The following NOX4 variants were observed in gnomAD, a reference collection of about 807,000 sequenced individuals.
NOX4 encodes the protein NADPH oxidase 4.
NOX4 carries 69 observed loss-of-function variants against 87.6 expected under a neutral mutation model. The ratio of observed to expected loss-of-function variants is 0.79; its 90% confidence interval spans 0.65 to 0.96. NOX4 has a LOEUF of 0.96. NOX4 is among the 40% of genes least tolerant of loss of function. NOX4 has a pLI of 0.00. For missense variants in NOX4, 680 were observed against 681.5 expected (o/e 1.00, Z 0.02); for synonymous variants, 275 against 238.2 (o/e 1.15, Z -1.42).
chr11:89,560,662 C>T, the NOX4 span, among the ~76,000 whole-genome samples: 10 of 151,932 alleles, frequency 6.6e-5, no homozygotes, highest in East Asian at 9.8e-4. Context: ...GAACAAAAAG[C>T]GAGAAGAAAG....
At chr11:89,553,388 C>A in the NOX4 span, among the ~76,000 whole-genome samples, 1 of 152,102 alleles carries the variant, frequency 6.6e-6, no homozygotes, top group East Asian at 1.9e-4. Flanking sequence ...TCTTGCTTCC[C>A]CTTCTGCTAT....
At chr11:89,525,509 T>A in the NOX4 span, among the ~76,000 whole-genome samples, 1 of 152,222 alleles carries the variant, frequency 6.6e-6, no homozygotes, top group East Asian at 1.9e-4. Context: ...TCATTGGCCA[T>A]TGGTTTATTT....
intron 2 of NOX4, among the ~76,000 whole-genome samples, chr11:89,462,260 T>A (rs764467508): frequency 6.6e-6 from 1 of 152,120 alleles, no homozygotes; most frequent in South Asian, 2.1e-4. Flanking sequence ...ATGTTTCATG[T>A]AGGGAGATTT....
At chr11:89,467,340 A>G (rs113824428) in intron 2 of NOX4, among the ~76,000 whole-genome samples, 7,158 of 134,256 alleles carry the variant, frequency 0.053, 593 homozygotes, top group African/African-American at 0.2. Flanking sequence ...GACAGAGCCA[A>G]ACTCGTCACA....
chr11:89,490,907 AG>A (rs1232683244), intron 1 of NOX4: 6 of 702,044 alleles, frequency 8.5e-6, no homozygotes, highest in Non-Finnish European at 1.6e-5. Context: ...AAATGTTTAA[AG>A]GGTAAAAAGA....
the NOX4 span, among the ~76,000 whole-genome samples, chr11:89,527,116 C>G: frequency 6.6e-6 from 1 of 152,024 alleles, no homozygotes; most frequent in Non-Finnish European, 1.5e-5. Flanking sequence ...GAAATTTTGC[C>G]CCTACGCTAG....
At chr11:89,352,391 A>G (rs928447898) in intron 13 of NOX4, among the ~76,000 whole-genome samples, 3 of 152,332 alleles carry the variant, frequency 2.0e-5, no homozygotes, top group South Asian at 2.1e-4. Context: ...CAATCCATGG[A>G]TCAAAGAGAA....
At chr11:89,489,319 T>TA (rs1423673537) in intron 2 of NOX4, among the ~76,000 whole-genome samples, 1 of 152,020 alleles carries the variant, frequency 6.6e-6, no homozygotes, top group East Asian at 1.9e-4. Context: ...TGAAAAAAAA[T>TA]AAAAAAGCAA....
chr11:89,555,390 C>T, the NOX4 span, among the ~76,000 whole-genome samples: 12 of 151,946 alleles, frequency 7.9e-5, no homozygotes, highest in African/African-American at 2.9e-4. Flanking sequence ...CAGGCCAAAG[C>T]AGGAAGATCA....
At chr11:89,582,081 T>A in the NOX4 span, among the ~76,000 whole-genome samples, 4 of 152,140 alleles carry the variant, frequency 2.6e-5, no homozygotes, top group Admixed American at 2.0e-4. Flanking sequence ...TTCTATTAGG[T>A]TGACTATTTT....
In NOX4 at chr11:89,402,391, A is replaced by C; in HGVS notation, c.781T>G (p.Phe261Val). The C allele has an allele frequency of 1.9e-6, 3 of 1,613,166 alleles. No homozygotes were observed. The highest frequency in any genetic ancestry group is 2.5e-6 in the Non-Finnish European group (3 of 1,179,650). ...FPEGFSKPAE[F>V]TQHKFVKICM... ...ATCTTCACAAATTTGTGCTGGGTAA[A>C]CTCTGCCGGTTTTGAAAATCCTTCA... The change falls in exon 9 of 18, where the codon TTT (phenylalanine) becomes GTT (valine). Residue 261 changes from phenylalanine to valine, a missense_variant. Phe to Val is a conservative substitution (Grantham distance 50, BLOSUM62 -1). Transcript: ENST00000263317.
intron 8 of NOX4, among the ~76,000 whole-genome samples, chr11:89,408,316 T>C (rs1942296215): frequency 1.3e-5 from 2 of 152,126 alleles, no homozygotes; most frequent in Non-Finnish European, 2.9e-5. Flanking sequence ...GACTGGGGAG[T>C]CATCTGGTTT....
upstream of NOX4, among the ~76,000 whole-genome samples, chr11:89,499,878 T>A (rs554970135): frequency 7.6e-6 from 1 of 130,806 alleles, no homozygotes; most frequent in South Asian, 2.5e-4. Context: ...GCACCTCTCA[T>A]TATTATTTAT....
rs374035463 is a variant in NOX4, at chr11:89,355,081, T to C, written c.1136-38A>G. ...AAATAAACATCAAGCTGTGAAAAGA[T>C]AAAAGTCATGAAAATAATTTCAAAA... On this transcript the variant is annotated intron_variant, in intron 12 of 17. Coordinates refer to ENST00000263317, the MANE Select transcript of NOX4 (RefSeq NM_016931.5). 9.2e-6 allele frequency: 13 copies of C among 1,416,600 alleles called. No individual in the cohort carries two copies. In the African/African-American group the frequency reaches 1.8e-4, roughly 20 times the overall value. 87.8% of individuals were successfully genotyped at this position (1,416,600 alleles called of 1,614,324 possible). A position where few individuals can be genotyped will look rare whatever the true frequency, so the allele number is the denominator to read the frequency against.
chr11:89,436,518 T>C (rs1018879533), intron 6 of NOX4, among the ~76,000 whole-genome samples: 5 of 152,198 alleles, frequency 3.3e-5, no homozygotes, highest in Admixed American at 1.3e-4. Context: ...CATGTTTACA[T>C]GTTTATTCTT....
chr11:89,495,628 C>A (rs1946940173), upstream of NOX4, among the ~76,000 whole-genome samples: 1 of 152,100 alleles, frequency 6.6e-6, no homozygotes, highest in Non-Finnish European at 1.5e-5. Context: ...CCTAGGATAG[C>A]ACCTAATTAA....
chr11:89,451,973 T>G, intron 2 of NOX4, 78 bp from the exon 3 acceptor site: 1 of 905,488 alleles, frequency 1.1e-6, no homozygotes, highest in Non-Finnish European at 1.8e-6. Flanking sequence ...GCTAGAGGTC[T>G]CACCCTATTG....
intron 12 of NOX4, among the ~76,000 whole-genome samples, chr11:89,358,093 A>C (rs1938211095): frequency 6.6e-6 from 1 of 152,062 alleles, no homozygotes; most frequent in East Asian, 1.9e-4. Flanking sequence ...GGTTGTCAAA[A>C]AGGTTCATAG....
intron 2 of NOX4, among the ~76,000 whole-genome samples, chr11:89,476,638 C>T (rs976483835): frequency 6.6e-6 from 1 of 152,024 alleles, no homozygotes; most frequent in East Asian, 1.9e-4. Context: ...CAACAAAATA[C>T]CATATAATAA....
Sources: gnomAD v4.1 joint callset for allele counts (sites outside exome capture counted in the v4.1 genomes callset) on GRCh38, gnomAD v4.1.1 for gene constraint, MANE v1.5 for transcripts, NCBI Gene and HGNC (gene_info 2026-07-23, HGNC 2026-07-21) for gene names.